The following EXOC8 variants were observed in gnomAD, a reference collection of about 807,000 sequenced individuals.
EXOC8 encodes the protein exocyst complex component 8.
Under a neutral mutation model 50.8 loss-of-function variants are expected in EXOC8, and 19 were observed. The observed-to-expected ratio is 0.37, with a 90% CI of 0.26 to 0.55. The LOEUF is 0.55. Ranked by LOEUF, EXOC8 falls within the 20% of genes least tolerant of loss-of-function variation. EXOC8 has a pLI of 0.80. For missense variants in EXOC8, 781 were observed against 915.8 expected, an observed-to-expected ratio of 0.85 and a Z score of 1.90; for synonymous variants, 384 against 367.9, an observed-to-expected ratio of 1.04 and a Z score of -0.50.
In EXOC8 at chr1:231,335,917, C is replaced by G. The variant is rs769907181; in HGVS notation, c.1829G>C (p.Trp610Ser). The G allele has an allele frequency of 5.6e-6, 9 of 1,614,018 alleles. 1 individual carries two copies. The highest frequency in any genetic ancestry group is 3.3e-5 in the Admixed American group (2 of 59,992). Residue 610 changes from tryptophan to serine, a missense_variant, in exon 1 of 1, where the codon TGG (tryptophan) becomes TCG (serine). Physicochemically the swap from Trp to Ser is radical, Grantham distance 177. Around this residue, in one of 3 missense-constraint regions of EXOC8, gnomAD observed 700 missense variants for 804.1 expected, o/e 0.87. Coordinates refer to ENST00000366645, the MANE Select transcript of EXOC8 (RefSeq NM_175876.5). ...NFEQYTGDDC[W>S]VNLSYTVVAF... Reference sequence around the variant, plus strand: ...AACCACTGTGTAACTTAGGTTCACCCAGCAGTCATCCCCTGTGTACTGCTC... The same window carrying G: ...AACCACTGTGTAACTTAGGTTCACCGAGCAGTCATCCCCTGTGTACTGCTC...
In EXOC8 at chr1:231,336,492, C is replaced by T. The variant is rs760595810; in HGVS notation, c.1254G>A (p.Leu418=). 2.7e-5 allele frequency: 44 copies of T among 1,613,600 alleles called. No homozygotes were observed. The highest frequency in any genetic ancestry group is 3.6e-5 in the Non-Finnish European group (42 of 1,179,786). The change falls in exon 1 of 1, where the codon CTG becomes CTA. Residue 418 remains leucine (L), a synonymous_variant. Coordinates refer to ENST00000366645, the MANE Select transcript of EXOC8 (RefSeq NM_175876.5). The surrounding 1 kb of genome is among the most constrained non-coding windows in gnomAD (Gnocchi z 5.4). ...PKATRRAVSQ[L]IRLGQCTKAC... is the part of the protein sequence containing the mutation. ...CCTTCGTGCACTGGCCCAGCCGGAT[C>T]AGTTGCGAAACTGCTCTGCGAGTAG...
chr1:231,335,493 A>C lies in EXOC8; in HGVS notation c.*75T>G. 1.6e-6 allele frequency: 2 copies of C among 1,288,306 alleles called. No individual in the cohort carries two copies. Among genetic ancestry groups the C allele is most frequent in the Non-Finnish European group, 2.0e-6 (2 of 994,310 alleles). 79.8% of individuals were successfully genotyped at this position (1,288,306 alleles called of 1,614,324 possible). A position where few individuals can be genotyped will look rare whatever the true frequency, so the allele number is the denominator to read the frequency against. ...GTGTTTGAAACTATAGAGTATGCTA[A>C]TACAACTTAATATAAATATAAATAA... is the stretch of plus-strand genomic sequence containing the variant. On this transcript the variant is annotated 3_prime_UTR_variant, in exon 1 of 1. Transcript: ENST00000366645.
chr1:231,337,224 A>G lies in EXOC8; in HGVS notation c.522T>C (p.His174=), dbSNP rs1276036320. Residue 174 remains histidine (H), a synonymous_variant, in exon 1 of 1, where the codon CAT becomes CAC. Transcript: ENST00000366645. This position sits in a 1 kb window ranked among gnomAD's most constrained non-coding sequence, Gnocchi z 5.9. ...TLLEKVEGCR[H]LLETPGQYLV... is the part of the protein sequence containing the mutation. ...AGTACTGTCCCGGCGTCTCCAGCAG[A>G]TGCCTGCAGCCTTCCACCTTCTCAA... is the stretch of plus-strand genomic sequence containing the variant. 6.2e-7 allele frequency: 1 copy of G among 1,613,560 alleles called. No homozygotes were observed. Among genetic ancestry groups the G allele is most frequent in the Non-Finnish European group, 8.5e-7 (1 of 1,180,026 alleles).
Position 231,336,697 on chromosome 1 carries a change from T to C in EXOC8, c.1049A>G (p.Gln350Arg). 1 of 1,614,242 alleles carries C rather than the reference T, an allele frequency of 6.2e-7. No homozygotes were observed. The highest frequency in any genetic ancestry group is 2.2e-5 in the East Asian group (1 of 44,888). The change falls in exon 1 of 1, where the codon CAG becomes CGG. Residue 350 changes from glutamine (Q) to arginine (R), a missense_variant. This residue lies in a region of EXOC8 where 700 missense variants were observed against 804.1 expected (regional missense o/e 0.87). Coordinates refer to ENST00000366645, the MANE Select transcript of EXOC8 (RefSeq NM_175876.5). This position sits in a 1 kb window ranked among gnomAD's most constrained non-coding sequence, Gnocchi z 5.4. ...LPEDLDVCIA[Q>R]RDFEGAVDLL... ...GTCAACCGCCCCTTCAAAGTCTCTC[T>C]GCGCAATGCAGACATCCAGGTCTTC... is the stretch of plus-strand genomic sequence containing the variant.
Position 231,335,915 on chromosome 1 carries a change from C to T in EXOC8, c.1831G>A (p.Val611Met), listed in dbSNP as rs1369599841. 3.7e-6 allele frequency: 6 copies of T among 1,614,066 alleles called. No individual in the cohort carries two copies. The highest frequency in any genetic ancestry group is 1.3e-5 in the African/African-American group (1 of 74,928). ...GCAACCACTGTGTAACTTAGGTTCA[C>T]CCAGCAGTCATCCCCTGTGTACTGC... is the stretch of plus-strand genomic sequence containing the variant. Reference protein sequence around the residue: ...FEQYTGDDCWVNLSYTVVAFT... With the variant: ...FEQYTGDDCWMNLSYTVVAFT... The change falls in exon 1 of 1, where the codon GTG becomes ATG. Residue 611 changes from valine to methionine, a missense_variant. Transcript: ENST00000366645.
chr1:231,335,691 G>A lies in EXOC8; in HGVS notation c.2055C>T (p.Val685=), dbSNP rs752142038. ...CAAACCTTTTCTCCACCACAGGGAG[G>A]ACTGTTTCATATAAAAAGGATGCAT... is the stretch of plus-strand genomic sequence containing the variant. ...RQNASFLYET[V]LPVVEKRFEE... The change falls in exon 1 of 1, where the codon GTC becomes GTT. Residue 685 remains valine (V), a synonymous_variant. Transcript: ENST00000366645. 1.2e-6 allele frequency: 2 copies of A among 1,614,164 alleles called. No individual in the cohort carries two copies. The highest frequency in any genetic ancestry group is 1.7e-5 in the Admixed American group (1 of 60,024).
Position 231,335,499 on chromosome 1 carries a change from CTT to C in EXOC8, c.*67_*68del. On this transcript the variant is annotated 3_prime_UTR_variant, in exon 1 of 1. Transcript: ENST00000366645. ...GAAACTATAGAGTATGCTAATACAACTTAATATAAATATAAATAATATATAAG... is the reference window on the plus strand; with the variant it reads ...GAAACTATAGAGTATGCTAATACAACAATATAAATATAAATAATATATAAG... 7.6e-7 allele frequency: 1 copy of C among 1,310,552 alleles called. No homozygotes were observed. Among genetic ancestry groups the C allele is most frequent in the South Asian group, 2.4e-5 (1 of 41,328 alleles). 81.2% of individuals were successfully genotyped at this position (1,310,552 alleles called of 1,614,324 possible).
In EXOC8 at chr1:231,337,119, G is replaced by A. The variant is rs371259805; in HGVS notation, c.627C>T (p.Asn209=). The change falls in exon 1 of 1, where the codon AAC becomes AAT. Residue 209 remains asparagine, a synonymous_variant. Transcript: ENST00000366645. This position sits in a 1 kb window ranked among gnomAD's most constrained non-coding sequence, Gnocchi z 5.9. The part of the protein sequence containing the change: ...QLQRVHGFLM[N]DCLLVATWLP... ...GCCAGGTAGCCACCAACAAGCAATC[G>A]TTCATGAGAAAGCCGTGCACCCGCT... The A allele has an allele frequency of 4.3e-6, 7 of 1,614,140 alleles. No homozygotes were observed. The highest frequency in any genetic ancestry group is 3.3e-5 in the Admixed American group (2 of 60,032).
Position 231,337,651 on chromosome 1 carries a change from G to C in EXOC8, c.95C>G (p.Ser32Trp). The C allele has an allele frequency of 6.2e-7, 1 of 1,610,134 alleles. No individual in the cohort carries two copies. The highest frequency in any genetic ancestry group is 8.5e-7 in the Non-Finnish European group (1 of 1,179,976). Residue 32 changes from serine (S) to tryptophan (W), a missense_variant, in exon 1 of 1, where the codon TCG becomes TGG. Transcript: ENST00000366645. This position sits in a 1 kb window ranked among gnomAD's most constrained non-coding sequence, Gnocchi z 5.9. Reference sequence around the variant, plus strand: ...GTCCCGGTCCCCATCCGACTGCTGCGAGAGCTGCTTCACGTACAGCCGCGC... The same window carrying C: ...GTCCCGGTCCCCATCCGACTGCTGCCAGAGCTGCTTCACGTACAGCCGCGC... The part of the protein sequence containing the change: ...FEARLYVKQL[S>W]QQSDGDRDLQ...
At position 231,336,156 on chromosome 1, in the gene EXOC8, C is replaced by A. The variant is rs764766498; in HGVS notation, c.1590G>T (p.Gln530His). 3.1e-6 allele frequency: 5 copies of A among 1,614,174 alleles called. No individual in the cohort carries two copies. The highest frequency in any genetic ancestry group is 1.7e-6 in the Non-Finnish European group (2 of 1,180,024). Reference protein sequence around the residue: ...ECVKVAKEHCQQLGDIGLDLT... With the variant: ...ECVKVAKEHCHQLGDIGLDLT... ...GATCCAGTCCGATATCACCCAGTTG[C>A]TGGCAATGCTCCTTAGCCACTTTTA... Residue 530 changes from glutamine to histidine, a missense_variant, in exon 1 of 1, where the codon CAG becomes CAT. By Grantham distance (24) the Gln-to-His change is conservative (BLOSUM62 0). This residue lies in a region of EXOC8 where 700 missense variants were observed against 804.1 expected (regional missense o/e 0.87). Transcript: ENST00000366645. This position sits in a 1 kb window ranked among gnomAD's most constrained non-coding sequence, Gnocchi z 5.4.
rs1339887373 is a variant in EXOC8, at chr1:231,337,821, C to A, written c.-76G>T. 1.3e-6 allele frequency: 2 copies of A among 1,504,008 alleles called. No individual in the cohort carries two copies. The highest frequency in any genetic ancestry group is 2.3e-5 in the East Asian group (1 of 43,548). The allele number at this position is 1,504,008 out of a possible 1,614,324, so 93.2% of individuals were successfully genotyped here. On this transcript the variant is annotated 5_prime_UTR_variant, in exon 1 of 1. Transcript: ENST00000366645. This position sits in a 1 kb window ranked among gnomAD's most constrained non-coding sequence, Gnocchi z 5.9. The stretch of plus-strand genomic sequence containing the variant: ...GCGGCTGTCTAGACCCACCCAAGGC[C>A]AACCGAGCTCCTGGGCTGAGGAAGC...
Position 231,336,246 on chromosome 1 carries a change from G to C in EXOC8, c.1500C>G (p.Phe500Leu). 1 of 1,614,040 alleles carries C rather than the reference G, an allele frequency of 6.2e-7. No homozygotes were observed. Among genetic ancestry groups the C allele is most frequent in the Non-Finnish European group, 8.5e-7 (1 of 1,180,026 alleles). Residue 500 changes from phenylalanine (F) to leucine (L), a missense_variant, in exon 1 of 1, where the codon TTC (phenylalanine) becomes TTG (leucine). Coordinates refer to ENST00000366645, the MANE Select transcript of EXOC8 (RefSeq NM_175876.5). This position sits in a 1 kb window ranked among gnomAD's most constrained non-coding sequence, Gnocchi z 5.4. ...ACACCTGCTTGCTAAAAGCATCCAC[G>C]AACATGCCCATGGCTGATCTTGCCC... Reference protein sequence around the residue: ...VVWARSAMGMFVDAFSKQVFD... With the variant: ...VVWARSAMGMLVDAFSKQVFD...
At position 231,336,276 on chromosome 1, in the gene EXOC8, C is replaced by T. The variant is rs1686671532; in HGVS notation, c.1470G>A (p.Val490=). Residue 490 remains valine (V), a synonymous_variant, in exon 1 of 1, where the codon GTG becomes GTA. Coordinates refer to ENST00000366645, the MANE Select transcript of EXOC8 (RefSeq NM_175876.5). This position sits in a 1 kb window ranked among gnomAD's most constrained non-coding sequence, Gnocchi z 5.4. ...GTDSGCYSAF[V]VWARSAMGMF... is the part of the protein sequence containing the mutation. ...TGCCCATGGCTGATCTTGCCCAGACCACAAAGGCAGAGTAGCAGCCGCTGT... is the reference window on the plus strand; with the variant it reads ...TGCCCATGGCTGATCTTGCCCAGACTACAAAGGCAGAGTAGCAGCCGCTGT... 3 of 1,613,986 alleles carry T rather than the reference C, an allele frequency of 1.9e-6. No homozygotes were observed. Among genetic ancestry groups the T allele is most frequent in the Non-Finnish European group, 2.5e-6 (3 of 1,180,046 alleles).
At position 231,337,389 on chromosome 1, in the gene EXOC8, T is replaced by G. The variant is rs1022672319; in HGVS notation, c.357A>C (p.Gly119=). ...AAAAGAAAAS[G]GEEGVGGAGG... ...CCGCCCCACCGACTCCCTCCTCCCCTCCAGAGGCGGCGGCGGCTCCGGCGG... is the reference window on the plus strand; with the variant it reads ...CCGCCCCACCGACTCCCTCCTCCCCGCCAGAGGCGGCGGCGGCTCCGGCGG... The change falls in exon 1 of 1, where the codon GGA becomes GGC. Residue 119 remains glycine, a synonymous_variant. Transcript: ENST00000366645. This position sits in a 1 kb window ranked among gnomAD's most constrained non-coding sequence, Gnocchi z 5.9. 1 of 1,604,076 alleles carries G rather than the reference T, an allele frequency of 6.2e-7. No individual in the cohort carries two copies. The highest frequency in any genetic ancestry group is 2.2e-5 in the East Asian group (1 of 44,842).
At position 231,336,707 on chromosome 1, in the gene EXOC8, A is replaced by G. The variant is rs971193466; in HGVS notation, c.1039T>C (p.Cys347Arg). The change falls in exon 1 of 1, where the codon TGC becomes CGC. Residue 347 changes from cysteine (C) to arginine (R), a missense_variant. Physicochemically the swap from Cys to Arg is radical, Grantham distance 180. Coordinates refer to ENST00000366645, the MANE Select transcript of EXOC8 (RefSeq NM_175876.5). The surrounding 1 kb of genome is among the most constrained non-coding windows in gnomAD (Gnocchi z 5.4). ...IQELPEDLDV[C>R]IAQRDFEGAV... ...CCTTCAAAGTCTCTCTGCGCAATGC[A>G]GACATCCAGGTCTTCAGGTAACTCC... 3.7e-6 allele frequency: 6 copies of G among 1,614,120 alleles called. No homozygotes were observed. The African/African-American group carries it at 6.7e-5, about 18-fold the overall frequency.
In EXOC8 at chr1:231,336,485, G is replaced by A. The variant is rs752469576; in HGVS notation, c.1261C>T (p.Leu421=). 6.2e-7 allele frequency: 1 copy of A among 1,613,782 alleles called. No individual in the cohort carries two copies. The highest frequency in any genetic ancestry group is 1.7e-5 in the Admixed American group (1 of 59,998). ...TRRAVSQLIR[L]GQCTKACELF... is the part of the protein sequence containing the mutation. Reference sequence around the variant, plus strand: ...TCACAGGCCTTCGTGCACTGGCCCAGCCGGATCAGTTGCGAAACTGCTCTG... The same window carrying A: ...TCACAGGCCTTCGTGCACTGGCCCAACCGGATCAGTTGCGAAACTGCTCTG... The change falls in exon 1 of 1, where the codon CTG becomes TTG. Residue 421 remains leucine, a synonymous_variant. Transcript: ENST00000366645. This position sits in a 1 kb window ranked among gnomAD's most constrained non-coding sequence, Gnocchi z 5.4.
rs1686719236 is a variant in EXOC8 at position 231,337,765 on chromosome 1, A to G, written c.-20T>C. 1.9e-6 allele frequency: 3 copies of G among 1,563,336 alleles called. No homozygotes were observed. In the South Asian group the frequency reaches 3.6e-5, roughly 19 times the overall value. On this transcript the variant is annotated 5_prime_UTR_variant, in exon 1 of 1. Coordinates refer to ENST00000366645, the MANE Select transcript of EXOC8 (RefSeq NM_175876.5). The surrounding 1 kb of genome is among the most constrained non-coding windows in gnomAD (Gnocchi z 5.9). ...CGCCATTTCTCTCCGGGTCTCACGC[A>G]CTCACTGTCACTATCGGCGCCGCAG...
chr1:231,335,938 T>C lies in EXOC8; in HGVS notation c.1808A>G (p.Gln603Arg), dbSNP rs759987352. The C allele has an allele frequency of 3.7e-6, 6 of 1,614,208 alleles. No homozygotes were observed. In the Admixed American group the frequency reaches 1.0e-4, roughly 27 times the overall value. ...CACCCAGCAGTCATCCCCTGTGTAC[T>C]GCTCAAAGTTACTTACCCCACAACT... ...MKSCGVSNFEQYTGDDCWVNL... is the reference protein window; with the variant it reads ...MKSCGVSNFERYTGDDCWVNL... The change falls in exon 1 of 1, where the codon CAG becomes CGG. Residue 603 changes from glutamine (Q) to arginine (R), a missense_variant. Physicochemically the swap from Gln to Arg is conservative, Grantham distance 43. This residue lies in a region of EXOC8 where 700 missense variants were observed against 804.1 expected (regional missense o/e 0.87). Transcript: ENST00000366645.
In EXOC8 at chr1:231,337,807, G is replaced by A; in HGVS notation, c.-62C>T. Reference sequence around the variant, plus strand: ...GCGCCGCAGCCGCCGCGGCTGTCTAGACCCACCCAAGGCCAACCGAGCTCC... The same window carrying A: ...GCGCCGCAGCCGCCGCGGCTGTCTAAACCCACCCAAGGCCAACCGAGCTCC... On this transcript the variant is annotated 5_prime_UTR_variant, in exon 1 of 1. Coordinates refer to ENST00000366645, the MANE Select transcript of EXOC8 (RefSeq NM_175876.5). This position sits in a 1 kb window ranked among gnomAD's most constrained non-coding sequence, Gnocchi z 5.9. The A allele has an allele frequency of 6.6e-7, 1 of 1,526,268 alleles. No individual in the cohort carries two copies. The highest frequency in any genetic ancestry group is 8.8e-7 in the Non-Finnish European group (1 of 1,139,348). The allele number at this position is 1,526,268 out of a possible 1,614,324, so 94.5% of individuals were successfully genotyped here. A position where few individuals can be genotyped will look rare whatever the true frequency, so the allele number is the denominator to read the frequency against.
Sources: allele counts gnomAD v4.1 joint callset, GRCh38; gene constraint gnomAD v4.1.1; regional missense constraint gnomAD v4.1.1; non-coding constraint Gnocchi (gnomAD v3.1); transcripts MANE v1.5; gene names NCBI Gene and HGNC (gene_info 2026-07-23, HGNC 2026-07-21).